Variants in MFSD11 observed in about 807,000 individuals in gnomAD.
MFSD11 encodes major facilitator superfamily domain containing 11.
MFSD11 carries 36 observed loss-of-function variants against 53.5 expected under a neutral mutation model. That is an observed-to-expected ratio of 0.67 (90% CI 0.52 to 0.89). The LOEUF (loss-of-function observed/expected upper bound fraction) is 0.89, where lower values mean the gene tolerates loss of function less well. Among genes scored for constraint, MFSD11 ranks in the 40% least tolerant of loss-of-function variants. The pLI, the probability that MFSD11 is intolerant of heterozygous loss-of-function variation, is 0.00. For synonymous variants in MFSD11, 186 were observed against 184.9 expected, an observed-to-expected ratio of 1.01 and a Z score of -0.05; for missense variants, 530 against 543.9, an observed-to-expected ratio of 0.97 and a Z score of 0.25.
intron 7 of MFSD11, among the ~76,000 whole-genome samples, chr17:76,749,918 A>G (rs1353499458): frequency 6.6e-6 from 1 of 151,490 alleles, no homozygotes; most frequent in Non-Finnish European, 1.5e-5. Flanking sequence ...CAGAGAAGCA[A>G]TAGAGAAATA....
At chr17:76,741,936 TTGAC>T in intron 3 of MFSD11, 29 bp from the exon 4 acceptor site, 1 of 1,613,732 alleles carries the variant, frequency 6.2e-7, no homozygotes, top group Non-Finnish European at 8.5e-7. Context: ...CAGGTATCGT[TTGAC>T]TGTAATACCT....
chr17:76,743,414 C>G lies in MFSD11; in HGVS notation c.454C>G (p.Leu152Val). The G allele has an allele frequency of 6.3e-7, 1 of 1,583,740 alleles. No individual in the cohort carries two copies. Among genetic ancestry groups the G allele is most frequent in the Non-Finnish European group, 8.6e-7 (1 of 1,167,084 alleles). Residue 152 changes from leucine to valine, a missense_variant, in exon 6 of 13, where the codon CTC (leucine) becomes GTC (valine). Transcript: ENST00000685175. Reference protein sequence around the residue: ...LLQSSLFFGNLYIYFAWQGKT... With the variant: ...LLQSSLFFGNVYIYFAWQGKT... ...TTCCCCCAGCTTGTTCTTTGGAAAT[C>G]TCTACATATATTTTGCCTGGCAAGG...
At chr17:76,761,392 A>T (rs1453461683) in intron 8 of MFSD11, among the ~76,000 whole-genome samples, 1 of 152,216 alleles carries the variant, frequency 6.6e-6, no homozygotes. Context: ...TGTTTATAGT[A>T]GTGAGATACT....
At chr17:76,774,901 G>C in intron 10 of MFSD11, 96 bp from the exon 11 acceptor site, 1 of 1,251,846 alleles carries the variant, frequency 8.0e-7, no homozygotes, top group Non-Finnish European at 1.1e-6. Context: ...TTTAACAAGT[G>C]AGAATGTTTA....
intron 7 of MFSD11, 58 bp from the exon 8 acceptor site, chr17:76,753,989 T>C (rs1400905573): frequency 5.0e-6 from 7 of 1,399,184 alleles, no homozygotes; most frequent in Non-Finnish European, 7.0e-6. Context: ...TGTGATCGTA[T>C]GTTTGTTCTT....
chr17:76,753,701 AAAG>A (rs1346765523), intron 7 of MFSD11, among the ~76,000 whole-genome samples: 1,690 of 143,596 alleles, frequency 0.012, 20 homozygotes, highest in Middle Eastern at 0.017. Flanking sequence ...AAAAAAAAAA[AAAG>A]AAAGAAAGAA....
chr17:76,798,667 A>G, the MFSD11 span, among the ~76,000 whole-genome samples: 25 of 152,108 alleles, frequency 1.6e-4, no homozygotes, highest in African/African-American at 6.0e-4. Context: ...TAAAGGTCTG[A>G]GCCTCAAGGT....
chr17:76,777,672 T>C (rs1382591515), intron 12 of MFSD11, among the ~76,000 whole-genome samples: 2 of 152,080 alleles, frequency 1.3e-5, no homozygotes, highest in African/African-American at 2.4e-5. Context: ...TAGGAAGCAA[T>C]GAGCAGTAAG....
intron 7 of MFSD11, among the ~76,000 whole-genome samples, chr17:76,747,602 G>A (rs1221799625): frequency 3.3e-5 from 5 of 151,936 alleles, no homozygotes; most frequent in Admixed American, 6.6e-5. Context: ...CAAAGTGCTG[G>A]GATTACAGGC....
chr17:76,781,239 C>G (rs140923103), downstream of MFSD11: 1 of 152,304 alleles, frequency 6.6e-6, no homozygotes, highest in Non-Finnish European at 1.5e-5. Flanking sequence ...ATCTTGGTTT[C>G]TTATGGCTAT....
At chr17:76,802,871 G>A in the MFSD11 span, among the ~76,000 whole-genome samples, 1 of 152,140 alleles carries the variant, frequency 6.6e-6, no homozygotes, top group East Asian at 1.9e-4. Context: ...AGAAGTTAGA[G>A]CAGTCTTCAC....
At chr17:76,780,293 A>C (rs1473856158), downstream of MFSD11, among the ~76,000 whole-genome samples, 1 of 152,122 alleles carries the variant, frequency 6.6e-6, no homozygotes, top group South Asian at 2.1e-4. Context: ...GCTTATTTTG[A>C]ACATTTCATG....
chr17:76,774,573 C>G (rs2081646243), intron 10 of MFSD11, among the ~76,000 whole-genome samples: 1 of 152,366 alleles, frequency 6.6e-6, no homozygotes, highest in Admixed American at 6.5e-5. Context: ...GCCTCTCTGA[C>G]TCCCCTTCGG....
chr17:76,771,598 G>A (rs2081381436), intron 10 of MFSD11, among the ~76,000 whole-genome samples: 1 of 152,194 alleles, frequency 6.6e-6, no homozygotes, highest in African/African-American at 2.4e-5. Context: ...GACTTTGGAG[G>A]GTTTGTTTGT....
the MFSD11 span, among the ~76,000 whole-genome samples, chr17:76,795,362 G>A: frequency 6.6e-6 from 1 of 150,948 alleles, no homozygotes; most frequent in African/African-American, 2.4e-5. Flanking sequence ...GGTGGCGTGA[G>A]CCTGTAATCC....
At position 76,776,972 on chromosome 17, in the gene MFSD11, T is replaced by A. The variant is rs2081891705; in HGVS notation, c.1185+431T>A. 3.9e-5 allele frequency among the ~76,000 whole-genome samples: 6 copies of A among 152,026 alleles called. No individual in the cohort carries two copies. The South Asian group carries it at 1.2e-3, about 31-fold the overall frequency. On this transcript the variant is annotated intron_variant, in intron 12 of 12. Coordinates refer to ENST00000685175, the MANE Select transcript of MFSD11 (RefSeq NM_001242532.5). The surrounding 1 kb of genome is among the most constrained non-coding windows in gnomAD (Gnocchi z 4.2). Reference sequence around the variant, plus strand: ...CTGGTCTATTTTTTTATTTTATTTTTTTTTAAAGACAAAGTCGGCCCGCCG... The same window carrying A: ...CTGGTCTATTTTTTTATTTTATTTTATTTTAAAGACAAAGTCGGCCCGCCG...
chr17:76,783,215 A>G (rs998405428), downstream of MFSD11, among the ~76,000 whole-genome samples: 1 of 151,978 alleles, frequency 6.6e-6, no homozygotes, highest in African/African-American at 2.4e-5. Context: ...CTTGTCTTAT[A>G]TATGCTGTTC....
At position 76,759,541 on chromosome 17, in the gene MFSD11, G is replaced by A. The variant is rs1443931821; in HGVS notation, c.682+5454G>A. Among the ~76,000 whole-genome samples the A allele has an allele frequency of 3.9e-5, 6 of 151,908 alleles. No individual in the cohort carries two copies. In the South Asian group the frequency reaches 6.2e-4, roughly 16 times the overall value. ...GCGATCTCAGCTCACTGCAACCTCCGCCCCGCAGGTTTAAGCGATTCTCCT... is the reference window on the plus strand; with the variant it reads ...GCGATCTCAGCTCACTGCAACCTCCACCCCGCAGGTTTAAGCGATTCTCCT... On this transcript the variant is annotated intron_variant, in intron 8 of 12. Coordinates refer to ENST00000685175, the MANE Select transcript of MFSD11 (RefSeq NM_001242532.5).
the MFSD11 span, among the ~76,000 whole-genome samples, chr17:76,788,738 A>G: frequency 6.7e-6 from 1 of 148,474 alleles, no homozygotes; most frequent in Admixed American, 6.7e-5. Context: ...CTGTAGTCCC[A>G]GTTACTTGGG....
Sources: allele counts gnomAD v4.1 joint callset (sites outside exome capture counted in the v4.1 genomes callset), GRCh38; gene constraint gnomAD v4.1.1; non-coding constraint Gnocchi (gnomAD v3.1); transcripts MANE v1.5; gene names NCBI Gene and HGNC (gene_info 2026-07-23, HGNC 2026-07-21).